PRKAR1A: variants seen among roughly 807,000 people sequenced by gnomAD.
The protein encoded by PRKAR1A is protein kinase cAMP-dependent type I regulatory subunit alpha.
PRKAR1A carries 3 observed loss-of-function variants against 52.0 expected under a neutral mutation model. The observed-to-expected ratio is 0.06, with a 90% confidence interval of 0.03 to 0.15. PRKAR1A has a LOEUF of 0.15. PRKAR1A is among the 10% of genes least tolerant of loss of function. The pLI is 1.00. For missense variants in PRKAR1A, 240 were observed against 477.4 expected (o/e 0.50, Z 4.63); for synonymous variants, 188 against 168.4 (o/e 1.12, Z -0.90).
the PRKAR1A span, among the ~76,000 whole-genome samples, chr17:68,453,500 A>G: frequency 7.2e-6 from 1 of 138,138 alleles, no homozygotes; most frequent in Non-Finnish European, 1.5e-5. Context: ...TTTTTTTGAG[A>G]GGGAGTCTCG....
chr17:68,430,173 G>C, the PRKAR1A span: 1 of 1,607,528 alleles, frequency 6.2e-7, no homozygotes, highest in Non-Finnish European at 8.5e-7. Context: ...AGGGAGTAAT[G>C]CACAGGCAAC....
the PRKAR1A span, among the ~76,000 whole-genome samples, chr17:68,437,956 A>T: frequency 3.0e-4 from 23 of 75,712 alleles, no homozygotes; most frequent in African/African-American, 1.1e-3. Context: ...CTTAAAAAAA[A>T]AAAAAAAAAA....
chr17:68,497,367 T>C, the PRKAR1A span, among the ~76,000 whole-genome samples: 17,046 of 152,096 alleles, frequency 0.11, 988 homozygotes, highest in Middle Eastern at 0.15. Flanking sequence ...AGAAAAAAAA[T>C]TGCTAGTCCC....
intron 5 of PRKAR1A, 47 bp downstream of exon 5, chr17:68,524,124 G>A (rs780049828): frequency 1.9e-6 from 3 of 1,596,316 alleles, no homozygotes; most frequent in Non-Finnish European, 2.6e-6. Context: ...GAGGAGGCGA[G>A]ACTAGAGGAT....
At chr17:68,466,260 G>A in the PRKAR1A span, among the ~76,000 whole-genome samples, 1 of 152,018 alleles carries the variant, frequency 6.6e-6, no homozygotes, top group East Asian at 1.9e-4. Context: ...TTGCCCATAG[G>A]GATTTTTGTT....
chr17:68,526,762 A>G (rs987375331), intron 7 of PRKAR1A, among the ~76,000 whole-genome samples: 2 of 152,160 alleles, frequency 1.3e-5, no homozygotes. Context: ...ACTGGGGCCT[A>G]CTTGAGGGTG....
intron 1 of PRKAR1A, 42 bp from the exon 2 acceptor site, chr17:68,515,352 C>T (rs1568687792): frequency 6.2e-7 from 1 of 1,607,778 alleles, no homozygotes; most frequent in Admixed American, 1.7e-5. Context: ...TGACATTTTG[C>T]TTTATAGTTT....
chr17:68,429,776 A>T, the PRKAR1A span, among the ~76,000 whole-genome samples: 4 of 152,048 alleles, frequency 2.6e-5, no homozygotes, highest in African/African-American at 9.7e-5. Context: ...TTTAGTAGAG[A>T]CGGGATTTCA....
chr17:68,462,525 G>A, the PRKAR1A span, among the ~76,000 whole-genome samples: 71 of 152,276 alleles, frequency 4.7e-4, no homozygotes, highest in Non-Finnish European at 8.4e-4. Flanking sequence ...GGTTTGGAGC[G>A]TCATAGATCT....
At chr17:68,505,306 A>G in the PRKAR1A span, among the ~76,000 whole-genome samples, 1 of 152,102 alleles carries the variant, frequency 6.6e-6, no homozygotes, top group Non-Finnish European at 1.5e-5. Flanking sequence ...ATATATATGT[A>G]GATAATAAAA....
intron 11 of PRKAR1A, among the ~76,000 whole-genome samples, chr17:68,540,393 G>T (rs952459793): frequency 2.0e-5 from 3 of 152,162 alleles, no homozygotes; most frequent in Admixed American, 2.0e-4. Flanking sequence ...ACTTGCTTCC[G>T]ACCTAAGCTC....
chr17:68,537,917 C>G (rs2086142163), downstream of PRKAR1A, among the ~76,000 whole-genome samples: 1 of 152,140 alleles, frequency 6.6e-6, no homozygotes, highest in African/African-American at 2.4e-5. This position sits in a 1 kb window ranked among gnomAD's most constrained non-coding sequence, Gnocchi z 4.2. Flanking sequence ...AGGCAAAATC[C>G]AGTATCCTGC....
chr17:68,540,643 AC>A (rs1446547880), intron 11 of PRKAR1A: 2 of 688,362 alleles, frequency 2.9e-6, no homozygotes, highest in African/African-American at 3.5e-5. Context: ...ATGAGTGACG[AC>A]CCCTTGAGCT....
the PRKAR1A span, among the ~76,000 whole-genome samples, chr17:68,458,815 T>C: frequency 1.3e-5 from 2 of 152,220 alleles, no homozygotes; most frequent in South Asian, 4.1e-4. Context: ...TTTTAGTTAT[T>C]GTTATATGAC....
At chr17:68,435,602 T>C in the PRKAR1A span, 5 of 1,612,702 alleles carry the variant, frequency 3.1e-6, no homozygotes, top group East Asian at 1.1e-4. Flanking sequence ...ACAGAGGTGT[T>C]GGTGGGAGTG....
chr17:68,431,656 C>T, the PRKAR1A span, among the ~76,000 whole-genome samples: 24 of 21,426 alleles, frequency 1.1e-3, no homozygotes, highest in South Asian at 0.016. Flanking sequence ...GTAAGAGTAA[C>T]GGCTGGACCA....
the PRKAR1A span, among the ~76,000 whole-genome samples, chr17:68,430,673 T>TAC: frequency 1.5e-3 from 224 of 152,292 alleles, 1 homozygote; most frequent in African/African-American, 5.2e-3. Flanking sequence ...CCAGCATGTG[T>TAC]AATGATGGAG....
chr17:68,487,208 A>T, the PRKAR1A span, among the ~76,000 whole-genome samples: 6 of 152,192 alleles, frequency 3.9e-5, no homozygotes, highest in Admixed American at 3.9e-4. Flanking sequence ...ATGTACACAC[A>T]TTGCACAGTG....
At chr17:68,422,947 G>A in the PRKAR1A span, among the ~76,000 whole-genome samples, 4 of 152,084 alleles carry the variant, frequency 2.6e-5, no homozygotes, top group African/African-American at 9.7e-5. Flanking sequence ...TGCTCTCAGA[G>A]CAAAAGTAAA....
Sources: allele counts gnomAD v4.1 joint callset (sites outside exome capture counted in the v4.1 genomes callset), GRCh38; gene constraint gnomAD v4.1.1; non-coding constraint Gnocchi (gnomAD v3.1); transcripts MANE v1.5; gene names NCBI Gene and HGNC (gene_info 2026-07-23, HGNC 2026-07-21).